The following ZNF711 variants were observed in gnomAD, a reference collection of about 807,000 sequenced individuals.
ZNF711 encodes ZFX family zinc finger ZNF711, also known as zinc finger protein 711.
In ZNF711, 3 loss-of-function variants were observed where a neutral mutation model predicts 43.5. The ratio of observed to expected loss-of-function variants is 0.07; its 90% CI spans 0.03 to 0.18. ZNF711 has a LOEUF of 0.18. ZNF711 is among the 10% of genes least tolerant of loss of function. The pLI, the probability that ZNF711 is intolerant of heterozygous loss-of-function variation, is 1.00. For missense variants in ZNF711, 412 were observed against 604.0 expected (o/e 0.68, Z 3.33); for synonymous variants, 209 against 207.7 (o/e 1.01, Z -0.06).
At position 85,270,096 on chromosome X, in the gene ZNF711, A is replaced by C; in HGVS notation, c.1196A>C (p.Lys399Thr). Residue 399 changes from lysine (K) to threonine (T), a missense_variant, in exon 10 of 11, where the codon AAA (lysine) becomes ACA (threonine). Physicochemically the swap from Lys to Thr is moderately conservative, Grantham distance 78. Around this residue, in one of 4 missense-constraint regions of ZNF711, gnomAD observed 375 missense variants for 514.2 expected, o/e 0.73. Transcript: ENST00000674551. ...CDGINTNKVL[K>T]QKAKKRRRGE... is the part of the protein sequence containing the mutation. ...GGCATTAATACAAATAAAGTACTTAAACAAAAAGCCAAAAAGAGGAGAAGG... is the reference window on the plus strand; with the variant it reads ...GGCATTAATACAAATAAAGTACTTACACAAAAAGCCAAAAAGAGGAGAAGG... 8.3e-7 allele frequency: 1 copy of C among 1,210,617 alleles called. No individual in the cohort carries two copies. Among genetic ancestry groups the C allele is most frequent in the South Asian group, 1.8e-5 (1 of 56,971 alleles).
rs773574773 is a variant in ZNF711 at position 85,247,407 on chromosome X, G to A, written c.-26-140G>A. On this transcript the variant is annotated intron_variant, in intron 3 of 10. Transcript: ENST00000674551. ...TTGTCACATAAAGCATCTAACCATGGTTTTTCTTTGTTTTGCTTTCTTTTG... is the reference window on the plus strand; with the variant it reads ...TTGTCACATAAAGCATCTAACCATGATTTTTCTTTGTTTTGCTTTCTTTTG... 5.7e-5 allele frequency: 23 copies of A among 404,870 alleles called. No individual in the cohort carries two copies. In the South Asian group the frequency reaches 1.2e-3, roughly 22 times the overall value. The allele number at this position is 404,870 out of a possible 1,213,427, so 33.4% of individuals were successfully genotyped here.
In ZNF711 at chrX:85,255,531, A is replaced by G. The variant is rs1469847764; in HGVS notation, c.352A>G (p.Ile118Val). ...DGDHILTSEL[I>V]TETVRVPEQV... ...TGATCACATCTTGACTTCTGAACTAATTACAGAAACCGTTAGGGTACCAGA... is the reference window on the plus strand; with the variant it reads ...TGATCACATCTTGACTTCTGAACTAGTTACAGAAACCGTTAGGGTACCAGA... Residue 118 changes from isoleucine to valine, a missense_variant, in exon 5 of 11, where the codon ATT becomes GTT. Physicochemically the swap from Ile to Val is conservative, Grantham distance 29. Transcript: ENST00000674551. 1.8e-5 allele frequency: 22 copies of G among 1,210,188 alleles called. No homozygotes were observed. The highest frequency in any genetic ancestry group is 2.5e-5 in the Non-Finnish European group (22 of 895,338).
In ZNF711 at chrX:85,255,534, A is replaced by G. The variant is rs1930053334; in HGVS notation, c.355A>G (p.Thr119Ala). Residue 119 changes from threonine (T) to alanine (A), a missense_variant, in exon 5 of 11, where the codon ACA becomes GCA. Physicochemically the swap from Thr to Ala is moderately conservative, Grantham distance 58. Coordinates refer to ENST00000674551, the MANE Select transcript of ZNF711 (RefSeq NM_001330574.2). ...TCACATCTTGACTTCTGAACTAATTACAGAAACCGTTAGGGTACCAGAGCA... is the reference window on the plus strand; with the variant it reads ...TCACATCTTGACTTCTGAACTAATTGCAGAAACCGTTAGGGTACCAGAGCA... The part of the protein sequence containing the change: ...GDHILTSELI[T>A]ETVRVPEQVF... 8.3e-7 allele frequency: 1 copy of G among 1,211,885 alleles called. No homozygotes were observed. The highest frequency in any genetic ancestry group is 3.0e-5 in the East Asian group (1 of 33,846).
chrX:85,268,458 G>A, intron 9 of ZNF711, 117 bp downstream of exon 9: 2 of 831,078 alleles, frequency 2.4e-6, no homozygotes, highest in Non-Finnish European at 1.7e-6. Context: ...TACTTGCTTA[G>A]TCATACCTAA....
intron 1 of ZNF711, among the ~76,000 whole-genome samples, chrX:85,245,356 G>A (rs1928948227): frequency 8.9e-6 from 1 of 112,437 alleles, no homozygotes; most frequent in Non-Finnish European, 1.9e-5. Context: ...GATACACTTA[G>A]AGAAGACCAA....
intron 6 of ZNF711, 48 bp from the exon 7 acceptor site, chrX:85,265,070 G>T: frequency 5.4e-6 from 6 of 1,115,629 alleles, no homozygotes; most frequent in Non-Finnish European, 7.4e-6. Flanking sequence ...AATTTAGGTG[G>T]TTATTCCATG....
chrX:85,254,194 T>C (rs1929817202), intron 4 of ZNF711, among the ~76,000 whole-genome samples: 1 of 111,272 alleles, frequency 9.0e-6, no homozygotes, highest in African/African-American at 3.3e-5. Flanking sequence ...AATGGTTGGA[T>C]TGTATAGTAA....
intron 7 of ZNF711, among the ~76,000 whole-genome samples, chrX:85,266,498 A>G (rs1041451717): frequency 2.7e-5 from 3 of 110,574 alleles, no homozygotes; most frequent in African/African-American, 9.8e-5. Context: ...GAGAAGAGGG[A>G]TACTTTTTTC....
At chrX:85,249,827 A>G (rs1294829977) in intron 4 of ZNF711, among the ~76,000 whole-genome samples, 2 of 111,706 alleles carry the variant, frequency 1.8e-5, no homozygotes, top group African/African-American at 6.5e-5. Context: ...CATATCCTAA[A>G]AAAAGACACC....
At position 85,255,701 on chromosome X, in the gene ZNF711, A is replaced by G. The variant is rs774820180; in HGVS notation, c.522A>G (p.Gln174=). The change falls in exon 5 of 11, where the codon CAA becomes CAG. Residue 174 remains glutamine (Q), a synonymous_variant. Transcript: ENST00000674551. Reference sequence around the variant, plus strand: ...ATTCAGATACAGAAACTGTGATTCAAGCAGCTGGAGGTGTTCCTGGTTCTA... The same window carrying G: ...ATTCAGATACAGAAACTGTGATTCAGGCAGCTGGAGGTGTTCCTGGTTCTA... The part of the protein sequence containing the change: ...VTNSDTETVI[Q]AAGGVPGSTV... The G allele has an allele frequency of 1.1e-5, 13 of 1,209,234 alleles. No individual in the cohort carries two copies. The Admixed American group carries it at 2.8e-4, about 26-fold the overall frequency.
chrX:85,254,801 C>CAA (rs376380248), intron 4 of ZNF711, among the ~76,000 whole-genome samples: 403 of 35,739 alleles, frequency 0.011, 8 homozygotes, highest in African/African-American at 0.031. Flanking sequence ...GACTCCGTCT[C>CAA]AAAAAAAAAA....
chrX:85,265,245 A>G lies in ZNF711; in HGVS notation c.906A>G (p.Glu302=), dbSNP rs764662901. ...YMAVKDSSQE[E]DDISCAEIAD... ...CAGTTAAAGATTCTTCTCAAGAAGA[A>G]GATGATATCAGTAAGAAAATAAGGG... The change falls in exon 7 of 11, where the codon GAA becomes GAG. Residue 302 remains glutamate (E), a synonymous_variant. Transcript: ENST00000674551. 2 of 1,205,742 alleles carry G rather than the reference A, an allele frequency of 1.7e-6. No individual in the cohort carries two copies. The highest frequency in any genetic ancestry group is 6.0e-5 in the East Asian group (2 of 33,597).
intron 5 of ZNF711, among the ~76,000 whole-genome samples, chrX:85,263,137 G>A (rs959074259): frequency 1.8e-5 from 2 of 110,230 alleles, no homozygotes; most frequent in Non-Finnish European, 3.8e-5. Context: ...ATAAATTATA[G>A]GCATATAATA....
chrX:85,256,629 C>G (rs1006565506), intron 5 of ZNF711, among the ~76,000 whole-genome samples: 8 of 110,284 alleles, frequency 7.3e-5, no homozygotes, highest in Non-Finnish European at 1.3e-4. Flanking sequence ...AGTTTATCAC[C>G]AGGTAGAGTG....
intron 4 of ZNF711, among the ~76,000 whole-genome samples, chrX:85,254,367 G>T (rs1199570699): frequency 1.2e-5 from 1 of 85,261 alleles, no homozygotes; most frequent in African/African-American, 5.4e-5. Flanking sequence ...CACTTTGGGA[G>T]GCCGAGGCGG....
chrX:85,270,781 A>T lies in ZNF711; in HGVS notation c.1377A>T (p.Lys459Asn). 1 of 1,203,656 alleles carries T rather than the reference A, an allele frequency of 8.3e-7. No homozygotes were observed. The highest frequency in any genetic ancestry group is 1.1e-6 in the Non-Finnish European group (1 of 890,525). ...KNHPDHLMRK[K>N]YQCTDCDFTT... The stretch of plus-strand genomic sequence containing the variant: ...ATCCTGATCATTTAATGAGAAAAAA[A>T]TATCAGTGTACAGATTGTGACTTTA... The change falls in exon 11 of 11, where the codon AAA becomes AAT. Residue 459 changes from lysine (K) to asparagine (N), a missense_variant. Lys to Asn is a moderately conservative substitution (Grantham distance 94). This residue lies in a region of ZNF711 where 375 missense variants were observed against 514.2 expected (regional missense o/e 0.73). Coordinates refer to ENST00000674551, the MANE Select transcript of ZNF711 (RefSeq NM_001330574.2).
intron 7 of ZNF711, 44 bp downstream of exon 7, chrX:85,265,299 T>C: frequency 8.5e-7 from 1 of 1,180,059 alleles, no homozygotes; most frequent in Non-Finnish European, 1.2e-6. Flanking sequence ...GTAGCCATCA[T>C]GCATTATTTT....
In ZNF711 at chrX:85,264,345, A is replaced by G. The variant is rs201914938; in HGVS notation, c.693A>G (p.Gln231=). 50 of 1,204,561 alleles carry G rather than the reference A, an allele frequency of 4.2e-5. No individual in the cohort carries two copies. The highest frequency in any genetic ancestry group is 1.7e-5 in the Non-Finnish European group (15 of 890,867). The part of the protein sequence containing the change: ...TPLKIGSDGS[Q]EDAKEDGFGS... ...TAAAAATTGGCAGTGATGGTTCACA[A>G]GAAGATGCTAAAGAAGATGGGTTTG... Residue 231 remains glutamine (Q), a synonymous_variant, in exon 6 of 11, where the codon CAA becomes CAG. Transcript: ENST00000674551.
intron 2 of ZNF711, among the ~76,000 whole-genome samples, chrX:85,246,255 C>A (rs1929041951): frequency 8.9e-6 from 1 of 111,990 alleles, no homozygotes; most frequent in African/African-American, 3.2e-5. Context: ...CCTTGGACCT[C>A]ATTTTGCATA....
Sources: gnomAD v4.1 joint callset for allele counts (sites outside exome capture counted in the v4.1 genomes callset) on GRCh38, gnomAD v4.1.1 for gene constraint, gnomAD v4.1.1 regional missense constraint, MANE v1.5 for transcripts, NCBI Gene and HGNC (gene_info 2026-07-23, HGNC 2026-07-21) for gene names.